SAR1A: variants seen among roughly 807,000 people sequenced by gnomAD.
SAR1A encodes the protein small COPII coat GTPase SAR1A.
SAR1A carries 6 observed loss-of-function variants against 22.6 expected under a neutral mutation model. That is an observed-to-expected ratio of 0.27 (90% CI 0.15 to 0.52). The LOEUF (loss-of-function observed/expected upper bound fraction) is 0.52, where lower values mean the gene tolerates loss of function less well. Ranked by LOEUF, SAR1A falls within the 20% of genes least tolerant of loss-of-function variation. The pLI is 0.96. For missense variants in SAR1A, 145 were observed against 245.1 expected (o/e 0.59, Z 2.73); for synonymous variants, 70 against 82.2 (o/e 0.85, Z 0.80).
intron 1 of SAR1A, among the ~76,000 whole-genome samples, chr10:70,163,354 A>G (rs1051188412): frequency 6.6e-6 from 1 of 152,228 alleles, no homozygotes; most frequent in East Asian, 1.9e-4. Context: ...CAATGTAGGC[A>G]AAACAGCCTT....
chr10:70,160,692 T>C (rs1252274846), intron 4 of SAR1A, among the ~76,000 whole-genome samples: 1 of 152,204 alleles, frequency 6.6e-6, no homozygotes, highest in Non-Finnish European at 1.5e-5. Context: ...TCAGTCAAGA[T>C]TTGAGTTGAG....
At chr10:70,163,610 A>G (rs1211875284) in intron 1 of SAR1A, 2 of 675,924 alleles carry the variant, frequency 3.0e-6, no homozygotes, top group Non-Finnish European at 5.4e-6. Context: ...ATGACACTAA[A>G]TCAGTCCAAG....
At chr10:70,153,779 C>A in intron 6 of SAR1A, 59 bp downstream of exon 6, 1 of 1,398,814 alleles carries the variant, frequency 7.1e-7, no homozygotes, top group Non-Finnish European at 9.6e-7. Flanking sequence ...GATAGCGAAA[C>A]ATCATGTTTT....
rs186211911 is a variant in SAR1A at position 70,148,822 on chromosome 10, C to T, written c.*3654G>A. On this transcript the variant is annotated 3_prime_UTR_variant, in exon 7 of 7. Coordinates refer to ENST00000373241, the MANE Select transcript of SAR1A (RefSeq NM_020150.5). ...ACAAACAAACAAACAAACAAACTTT[C>T]TCTCTCGAGTCCAGTGATTCTCCCT... The T allele has an allele frequency of 5.5e-3, 851 of 156,108 alleles. 14 individuals carry two copies. Among genetic ancestry groups the T allele is most frequent in the African/African-American group, 0.019 (802 of 41,610 alleles). 9.7% of individuals were successfully genotyped at this position (156,108 alleles called of 1,614,324 possible). A position where few individuals can be genotyped will look rare whatever the true frequency, so the allele number is the denominator to read the frequency against.
At chr10:70,164,834 T>G (rs540384760) in intron 1 of SAR1A, among the ~76,000 whole-genome samples, 1 of 152,336 alleles carries the variant, frequency 6.6e-6, no homozygotes, top group Non-Finnish European at 1.5e-5. Context: ...GAAGACCTAT[T>G]GCTCAGAAAA....
At position 70,153,941 on chromosome 10, in the gene SAR1A, T is replaced by C. The variant is rs769250145; in HGVS notation, c.377A>G (p.Asn126Ser). 13 of 1,597,736 alleles carry C rather than the reference T, an allele frequency of 8.1e-6. No homozygotes were observed. The highest frequency in any genetic ancestry group is 1.1e-5 in the Non-Finnish European group (13 of 1,173,158). Residue 126 changes from asparagine to serine, a missense_variant, in exon 6 of 7, where the codon AAT becomes AGT. Transcript: ENST00000373241. ...GTTACCCAAGATAAGGATTGGCACA[T>C]TGGATATTGTTTCATCAGTCATTAA... ...NALMTDETISNVPILILGNKI... is the reference protein window; with the variant it reads ...NALMTDETISSVPILILGNKI...
Position 70,170,424 on chromosome 10 carries a change from C to G in SAR1A, c.-28G>C, listed in dbSNP as rs1372447195. ...ACCCTCAGACTCACGGCCTGAGGGG[C>G]TCCTCCGGCAAAACAGCGGCTGGCT... On this transcript the variant is annotated 5_prime_UTR_variant, in exon 1 of 7. Transcript: ENST00000373241. The G allele has an allele frequency of 6.6e-6, 1 of 151,552 alleles. No individual in the cohort carries two copies. The highest frequency in any genetic ancestry group is 2.0e-4 in the East Asian group (1 of 5,092). 9.4% of individuals were successfully genotyped at this position (151,552 alleles called of 1,614,324 possible). A position where few individuals can be genotyped will look rare whatever the true frequency, so the allele number is the denominator to read the frequency against.
intron 6 of SAR1A, among the ~76,000 whole-genome samples, chr10:70,153,587 A>G (rs148799119): frequency 1.7e-3 from 253 of 152,386 alleles, no homozygotes; most frequent in Non-Finnish European, 2.5e-3. Flanking sequence ...AAAGATAATC[A>G]TAAACTCTTA....
At chr10:70,157,958 C>A in intron 4 of SAR1A, 91 bp from the exon 5 acceptor site, 4 of 866,862 alleles carry the variant, frequency 4.6e-6, no homozygotes, top group South Asian at 3.2e-5. Context: ...AAATCTTGGT[C>A]GGGTTTCAGT....
At chr10:70,166,441 A>G (rs1301879751) in intron 1 of SAR1A, among the ~76,000 whole-genome samples, 1 of 152,218 alleles carries the variant, frequency 6.6e-6, no homozygotes, top group Non-Finnish European at 1.5e-5. Flanking sequence ...AATGAAAAAC[A>G]TATTAATCTA....
In SAR1A at chr10:70,170,500, A is replaced by T. The variant is rs56090714; in HGVS notation, c.-104T>A. ...CCAGCAGCACCCGGGACCGCCAGCT[A>T]CTCGCCGGATGTACGTCACACCCCT... On this transcript the variant is annotated 5_prime_UTR_variant, in exon 1 of 7. Coordinates refer to ENST00000373241, the MANE Select transcript of SAR1A (RefSeq NM_020150.5). The T allele has an allele frequency of 1.3e-5, 2 of 152,402 alleles. No individual in the cohort carries two copies. Among genetic ancestry groups the T allele is most frequent in the African/African-American group, 4.8e-5 (2 of 41,314 alleles). The allele number at this position is 152,402 out of a possible 1,614,324, so 9.4% of individuals were successfully genotyped here.
chr10:70,158,457 T>C (rs1433173202), intron 4 of SAR1A, among the ~76,000 whole-genome samples: 1 of 152,210 alleles, frequency 6.6e-6, no homozygotes, highest in East Asian at 1.9e-4. Context: ...TATCTCAACC[T>C]ACCATATTTA....
intron 4 of SAR1A, among the ~76,000 whole-genome samples, chr10:70,160,778 G>A (rs184380894): frequency 6.6e-6 from 1 of 152,260 alleles, no homozygotes; most frequent in East Asian, 1.9e-4. Flanking sequence ...CAGCTCAATA[G>A]GGTAATATTG....
chr10:70,167,022 G>C (rs1260557332), intron 1 of SAR1A, among the ~76,000 whole-genome samples: 2 of 151,866 alleles, frequency 1.3e-5, no homozygotes, highest in Non-Finnish European at 2.9e-5. Flanking sequence ...AGCAAAAAAA[G>C]AATACTTTTC....
intron 1 of SAR1A, among the ~76,000 whole-genome samples, chr10:70,168,602 G>A (rs917379893): frequency 6.6e-6 from 1 of 151,946 alleles, no homozygotes; most frequent in African/African-American, 2.4e-5. Flanking sequence ...TCAAAAAAAA[G>A]AAAGAAAGAA....
At chr10:70,154,010 A>G in intron 5 of SAR1A, 41 bp from the exon 6 acceptor site, 1 of 1,481,822 alleles carries the variant, frequency 6.7e-7, no homozygotes, top group Non-Finnish European at 9.1e-7. Context: ...AAAAAGAATT[A>G]AGTGAGGAAT....
intron 3 of SAR1A, chr10:70,161,400 G>A (rs1162527099): frequency 3.4e-6 from 2 of 595,204 alleles, no homozygotes; most frequent in Non-Finnish European, 5.9e-6. Context: ...TATAGGAGAG[G>A]TGTCCCTTTA....
intron 5 of SAR1A, among the ~76,000 whole-genome samples, chr10:70,156,388 T>C (rs369742613): frequency 6.6e-6 from 1 of 152,086 alleles, no homozygotes. Context: ...ATGGAGACCA[T>C]GCATGGTGGC....
In SAR1A at chr10:70,166,729, G is replaced by A. The variant is rs1218692669; in HGVS notation, c.-17+3684C>T. 4.6e-5 allele frequency: 7 copies of A among 150,662 alleles called. No homozygotes were observed. In the East Asian group the frequency reaches 1.4e-3, roughly 29 times the overall value. 9.3% of individuals were successfully genotyped at this position (150,662 alleles called of 1,614,324 possible). On this transcript the variant is annotated intron_variant, in intron 1 of 6. Transcript: ENST00000373241. ...GGCCGGGCCCCCGTGGCTCACACCTGTAATCCCAGCATTTTGCAAGGCTGA... is the reference window on the plus strand; with the variant it reads ...GGCCGGGCCCCCGTGGCTCACACCTATAATCCCAGCATTTTGCAAGGCTGA...
Sources: allele counts gnomAD v4.1 joint callset (sites outside exome capture counted in the v4.1 genomes callset), GRCh38; gene constraint gnomAD v4.1.1; transcripts MANE v1.5; gene names NCBI Gene and HGNC (gene_info 2026-07-23, HGNC 2026-07-21).